Variants in ACBD6 observed in about 807,000 individuals in gnomAD.
ACBD6 encodes the protein acyl-CoA binding domain containing 6.
ACBD6 carries 28 observed loss-of-function variants against 37.2 expected under a neutral mutation model. The observed-to-expected ratio is 0.75, with a 90% confidence interval of 0.56 to 1.03. The LOEUF (loss-of-function observed/expected upper bound fraction) is 1.03. ACBD6 is among the 50% of genes least tolerant of loss of function. ACBD6 has a pLI of 0.00. For missense variants in ACBD6, 340 were observed against 337.4 expected (o/e 1.01, Z -0.06); for synonymous variants, 113 against 126.8 (o/e 0.89, Z 0.73).
At chr1:180,497,225 A>C (rs1386974006) in intron 1 of ACBD6, among the ~76,000 whole-genome samples, 1 of 152,190 alleles carries the variant, frequency 6.6e-6, no homozygotes, top group African/African-American at 2.4e-5. Flanking sequence ...ATAGTTCTCC[A>C]TTTCTCCTAT....
At chr1:180,296,392 G>C (rs1343504949) in intron 7 of ACBD6, among the ~76,000 whole-genome samples, 27 of 151,014 alleles carry the variant, frequency 1.8e-4, no homozygotes, top group African/African-American at 6.6e-4. Context: ...CTAAGATAAA[G>C]ATAACTGATG....
intron 5 of ACBD6, among the ~76,000 whole-genome samples, chr1:180,398,357 C>T (rs772324795): frequency 5.3e-5 from 8 of 151,988 alleles, no homozygotes; most frequent in Non-Finnish European, 1.5e-5. Flanking sequence ...GCACTTAAAC[C>T]TAGGTAGAAA....
At chr1:180,394,384 C>G (rs967915255) in intron 6 of ACBD6, among the ~76,000 whole-genome samples, 2 of 148,816 alleles carry the variant, frequency 1.3e-5, no homozygotes, top group Non-Finnish European at 3.0e-5. Flanking sequence ...GCCATCACAT[C>G]TGGCCAGTTT....
At chr1:180,464,553 A>G (rs186188756) in intron 3 of ACBD6, among the ~76,000 whole-genome samples, 77 of 152,330 alleles carry the variant, frequency 5.1e-4, no homozygotes, top group African/African-American at 1.8e-3. Flanking sequence ...AACAAATGAA[A>G]AAACACCCCA....
chr1:180,365,384 C>T (rs1189409833), intron 6 of ACBD6, among the ~76,000 whole-genome samples: 1 of 152,172 alleles, frequency 6.6e-6, no homozygotes, highest in Non-Finnish European at 1.5e-5. Flanking sequence ...ACTAACACTA[C>T]AGGTGTCAAA....
chr1:180,305,396 A>C (rs1470013111), intron 7 of ACBD6, among the ~76,000 whole-genome samples: 1 of 152,142 alleles, frequency 6.6e-6, no homozygotes, highest in Admixed American at 6.5e-5. Flanking sequence ...ACTCAAACAA[A>C]TCTACAAGAA....
intron 7 of ACBD6, among the ~76,000 whole-genome samples, chr1:180,295,428 G>A (rs535233464): frequency 1.3e-5 from 2 of 151,500 alleles, no homozygotes; most frequent in South Asian, 2.1e-4. Context: ...TGACAAGAGT[G>A]TTTTCATTTT....
intron 6 of ACBD6, among the ~76,000 whole-genome samples, chr1:180,342,266 G>T (rs143784667): frequency 1.1e-4 from 17 of 152,218 alleles, no homozygotes; most frequent in African/African-American, 3.4e-4. Context: ...TGCCTTCCAA[G>T]AGTAGTAGAG....
At chr1:180,361,066 C>A (rs929959309) in intron 6 of ACBD6, among the ~76,000 whole-genome samples, 2 of 152,160 alleles carry the variant, frequency 1.3e-5, no homozygotes, top group African/African-American at 4.8e-5. Context: ...ATTGTCCCCC[C>A]ATTTGCTGGG....
At chr1:180,468,795 T>C (rs1467107310) in intron 3 of ACBD6, among the ~76,000 whole-genome samples, 1 of 152,226 alleles carries the variant, frequency 6.6e-6, no homozygotes, top group African/African-American at 2.4e-5. Context: ...ATTCTTTCCA[T>C]AGATACCACA....
In ACBD6 at chr1:180,430,211, TA is replaced by T. The variant is rs1246782802; in HGVS notation, c.435del (p.Ile146LeufsTer29). The T allele has an allele frequency of 1.2e-6, 2 of 1,613,490 alleles. No homozygotes were observed. The highest frequency in any genetic ancestry group is 2.2e-5 in the South Asian group (2 of 91,074). ...GTTTCTTCATGATATAGAGAACTAA[TA>T]ACTGGCCCACCAAAACCTGTATTTG... ...KEANTGFGGP[V>X]ISSLYHEETI... On this transcript the variant is annotated frameshift_variant, in exon 4 of 8. Coordinates refer to ENST00000367595, the MANE Select transcript of ACBD6 (RefSeq NM_032360.4). LOFTEE classifies it high-confidence loss of function.
intron 7 of ACBD6, among the ~76,000 whole-genome samples, chr1:180,310,325 A>G (rs143119146): frequency 6.6e-6 from 1 of 152,118 alleles, no homozygotes; most frequent in Non-Finnish European, 1.5e-5. Context: ...GCGCCACTAC[A>G]CTCTAGCCTG....
chr1:180,283,638 AAG>A (rs1649381112), downstream of ACBD6, among the ~76,000 whole-genome samples: 1 of 152,346 alleles, frequency 6.6e-6, no homozygotes, highest in African/African-American at 2.4e-5. Context: ...TGCATCCCAT[AAG>A]AGAGTGAAAA....
chr1:180,370,093 A>T (rs1653201079), intron 6 of ACBD6, among the ~76,000 whole-genome samples: 1 of 152,234 alleles, frequency 6.6e-6, no homozygotes, highest in South Asian at 2.1e-4. Context: ...AGGAGTTAAG[A>T]AAAGGAAAAA....
chr1:180,487,698 GA>G (rs1166815093), intron 3 of ACBD6, among the ~76,000 whole-genome samples: 4 of 151,946 alleles, frequency 2.6e-5, no homozygotes, highest in South Asian at 4.2e-4. Flanking sequence ...CTTAAGGAAA[GA>G]AAAAAATCAT....
intron 6 of ACBD6, among the ~76,000 whole-genome samples, chr1:180,384,637 T>C (rs2101932399): frequency 6.6e-6 from 1 of 152,310 alleles, no homozygotes; most frequent in South Asian, 2.1e-4. Flanking sequence ...ACTTCAGCAA[T>C]CGCACTACTG....
intron 11 of ACBD6, chr1:180,273,556 A>T (rs755110689): frequency 6.6e-6 from 1 of 152,490 alleles, no homozygotes; most frequent in South Asian, 2.1e-4. Context: ...ATTCCATTAG[A>T]TCCCCTTAAT....
chr1:180,312,321 T>C (rs556455006), intron 7 of ACBD6, among the ~76,000 whole-genome samples: 3 of 152,192 alleles, frequency 2.0e-5, no homozygotes, highest in Admixed American at 2.0e-4. Flanking sequence ...AGGATTTTGT[T>C]GCTATTGTAA....
At chr1:180,356,153 G>T (rs376346022) in intron 6 of ACBD6, among the ~76,000 whole-genome samples, 1 of 151,464 alleles carries the variant, frequency 6.6e-6, no homozygotes, top group Non-Finnish European at 1.5e-5. Context: ...GATTACAGGC[G>T]TGAGCCACCG....
Sources: allele counts gnomAD v4.1 joint callset (sites outside exome capture counted in the v4.1 genomes callset), GRCh38; gene constraint gnomAD v4.1.1; transcripts MANE v1.5; gene names NCBI Gene and HGNC (gene_info 2026-07-23, HGNC 2026-07-21).